Variants in RBM47 observed in about 807,000 individuals in gnomAD.
RBM47 encodes the protein RNA binding motif protein 47.
In RBM47, 21 loss-of-function variants were observed where a neutral mutation model predicts 47.1. That is an observed-to-expected ratio of 0.45 (90% CI 0.32 to 0.64). RBM47 has a LOEUF of 0.64. Among genes scored for constraint, RBM47 ranks in the 30% least tolerant of loss-of-function variants. RBM47 has a pLI of 0.05. For missense variants in RBM47, 708 were observed against 870.9 expected (o/e 0.81, Z 2.35); for synonymous variants, 375 against 361.7 (o/e 1.04, Z -0.42).
At chr4:40,426,229 G>A (rs1715022504) in intron 6 of RBM47, 86 bp from the exon 7 acceptor site, 31 of 1,508,054 alleles carry the variant, frequency 2.1e-5, no homozygotes, top group South Asian at 1.0e-4. Flanking sequence ...CCCAGAAGAC[G>A]GGAATACAAA....
chr4:40,581,857 C>T, intron 1 of RBM47, among the ~76,000 whole-genome samples: 1 of 150,052 alleles, frequency 6.7e-6, no homozygotes, highest in East Asian at 2.0e-4. Context: ...ACGCCAGCCC[C>T]AGGAGCAACC....
chr4:40,471,729 CT>C (rs1168997606), intron 2 of RBM47, among the ~76,000 whole-genome samples: 1 of 151,678 alleles, frequency 6.6e-6, no homozygotes, highest in Non-Finnish European at 1.5e-5. Flanking sequence ...TATCACCCTT[CT>C]GCTTAAACCC....
At chr4:40,589,423 CTTAT>C (rs913348791) in intron 1 of RBM47, among the ~76,000 whole-genome samples, 5 of 152,044 alleles carry the variant, frequency 3.3e-5, no homozygotes, top group African/African-American at 1.2e-4. Context: ...TATTTATTTA[CTTAT>C]TTTTTATTTT....
At chr4:40,432,033 T>G (rs1385025189) in intron 6 of RBM47, among the ~76,000 whole-genome samples, 1 of 138,474 alleles carries the variant, frequency 7.2e-6, no homozygotes, top group Admixed American at 7.2e-5. Flanking sequence ...AAAAAAAAAA[T>G]TGTAGAGACA....
intron 2 of RBM47, among the ~76,000 whole-genome samples, chr4:40,514,951 A>G (rs1004040693): frequency 2.0e-5 from 3 of 152,208 alleles, no homozygotes; most frequent in African/African-American, 7.2e-5. Flanking sequence ...AGAGTTAATA[A>G]AGGGTGGAGT....
chr4:40,618,672 G>C (rs1255888913), intron 1 of RBM47, among the ~76,000 whole-genome samples: 1 of 151,248 alleles, frequency 6.6e-6, no homozygotes, highest in Non-Finnish European at 1.5e-5. Context: ...AGCCAGGCAT[G>C]GTGGCGCGCG....
At chr4:40,576,371 G>C (rs918891669) in intron 1 of RBM47, among the ~76,000 whole-genome samples, 38 of 151,560 alleles carry the variant, frequency 2.5e-4, no homozygotes, top group Non-Finnish European at 2.9e-5. Context: ...GCCCAGGCTG[G>C]TCTTGAACTC....
chr4:40,473,700 A>C (rs1257832086), intron 2 of RBM47, among the ~76,000 whole-genome samples: 1 of 152,210 alleles, frequency 6.6e-6, no homozygotes, highest in Non-Finnish European at 1.5e-5. Context: ...CTTCTTAAAA[A>C]ACTATCACAC....
At chr4:40,534,448 C>T (rs1250311446) in intron 2 of RBM47, among the ~76,000 whole-genome samples, 1 of 152,038 alleles carries the variant, frequency 6.6e-6, no homozygotes, top group African/African-American at 2.4e-5. Flanking sequence ...TAGAACCCAC[C>T]AATACATTTT....
At position 40,429,390 on chromosome 4, in the gene RBM47, A is replaced by G. The variant is rs75064015; in HGVS notation, c.1543-3247T>C. Among the ~76,000 whole-genome samples the G allele has an allele frequency of 1.9e-3, 286 of 152,246 alleles. 6 individuals are homozygous for G. In the East Asian group the frequency reaches 0.047, roughly 25 times the overall value. On this transcript the variant is annotated intron_variant, in intron 6 of 6. Coordinates refer to ENST00000295971, the MANE Select transcript of RBM47 (RefSeq NM_001098634.2). ...ATCTGTGAAATTGTGAAGAAGGAAAAAAAAATTCGTTCATAGTATATTATT... is the reference window on the plus strand; with the variant it reads ...ATCTGTGAAATTGTGAAGAAGGAAAGAAAAATTCGTTCATAGTATATTATT...
chr4:40,426,094 A>G lies in RBM47; in HGVS notation c.1592T>C (p.Ile531Thr). Residue 531 changes from isoleucine to threonine, a missense_variant, in exon 7 of 7, where the codon ATT (isoleucine) becomes ACT (threonine). Ile to Thr is a moderately conservative substitution (Grantham distance 89, BLOSUM62 -1). Coordinates refer to ENST00000295971, the MANE Select transcript of RBM47 (RefSeq NM_001098634.2). Reference protein sequence around the residue: ...VYTVAPNVQRIPTAGIYGASY... With the variant: ...VYTVAPNVQRTPTAGIYGASY... ...GGCCCCGTAGATCCCGGCAGTAGGA[A>G]TTCTCTGAACGTTTGGAGCCACCGT... The G allele has an allele frequency of 2.5e-6, 4 of 1,614,204 alleles. No homozygotes were observed. The highest frequency in any genetic ancestry group is 3.4e-6 in the Non-Finnish European group (4 of 1,180,038).
At chr4:40,620,373 CAG>C (rs1737158164) in intron 1 of RBM47, among the ~76,000 whole-genome samples, 1 of 151,016 alleles carries the variant, frequency 6.6e-6, no homozygotes. Flanking sequence ...GGCATGGTGG[CAG>C]GCGCCTGTAA....
At chr4:40,616,124 G>A (rs1300310167) in intron 1 of RBM47, among the ~76,000 whole-genome samples, 1 of 152,050 alleles carries the variant, frequency 6.6e-6, no homozygotes, top group Non-Finnish European at 1.5e-5. Flanking sequence ...AGGCCGAGGC[G>A]GGCGGATCAC....
At chr4:40,493,064 C>T (rs1560416485) in intron 2 of RBM47, among the ~76,000 whole-genome samples, 1 of 152,132 alleles carries the variant, frequency 6.6e-6, no homozygotes, top group East Asian at 1.9e-4. Context: ...CAGAGAAGCT[C>T]AAAAACTAGC....
chr4:40,533,797 C>T (rs1315943222), intron 2 of RBM47, among the ~76,000 whole-genome samples: 2 of 151,754 alleles, frequency 1.3e-5, no homozygotes, highest in Admixed American at 6.6e-5. Flanking sequence ...ACTACAGGTG[C>T]GTGCCACCAT....
intron 3 of RBM47, among the ~76,000 whole-genome samples, chr4:40,441,019 T>A (rs1713540604): frequency 6.6e-6 from 1 of 152,164 alleles, no homozygotes; most frequent in South Asian, 2.1e-4. Context: ...CTTCAAGTGC[T>A]TGGAAGCTGG....
intron 3 of RBM47, among the ~76,000 whole-genome samples, chr4:40,447,928 G>A (rs1399353443): frequency 1.3e-5 from 2 of 152,166 alleles, no homozygotes; most frequent in Non-Finnish European, 2.9e-5. Flanking sequence ...GGAGAATGGC[G>A]TGAACCCGGG....
chr4:40,431,700 A>C (rs1044758980), intron 6 of RBM47, among the ~76,000 whole-genome samples: 26 of 150,206 alleles, frequency 1.7e-4, no homozygotes, highest in African/African-American at 6.1e-4. Flanking sequence ...TAGGAGGTGG[A>C]TGGGAAAGAT....
At chr4:40,609,978 G>A (rs1302761767) in intron 1 of RBM47, among the ~76,000 whole-genome samples, 1 of 152,082 alleles carries the variant, frequency 6.6e-6, no homozygotes, top group Non-Finnish European at 1.5e-5. Flanking sequence ...TGTAATCCCA[G>A]CTATTCAGGA....
Sources: allele counts gnomAD v4.1 joint callset (sites outside exome capture counted in the v4.1 genomes callset), GRCh38; gene constraint gnomAD v4.1.1; transcripts MANE v1.5; gene names NCBI Gene and HGNC (gene_info 2026-07-23, HGNC 2026-07-21).